SLX4: variants seen among roughly 807,000 people sequenced by gnomAD.
SLX4 encodes the protein SLX4 structure-specific endonuclease subunit.
Under a neutral mutation model 146.2 loss-of-function variants are expected in SLX4, and 112 were observed. That is an observed-to-expected ratio of 0.77 (90% confidence interval 0.66 to 0.90). The LOEUF is 0.90. Ranked by LOEUF, SLX4 falls within the 40% of genes least tolerant of loss-of-function variation. The pLI, the probability that SLX4 is intolerant of heterozygous loss-of-function variation, is 0.00. For synonymous variants in SLX4, 1,061 were observed against 997.7 expected (o/e 1.06, Z -1.20); for missense variants, 2,563 against 2,392.7 (o/e 1.07, Z -1.49).
intron 7 of SLX4, 139 bp from the exon 8 acceptor site, chr16:3,596,532 G>A (rs2040661711): frequency 2.6e-5 from 27 of 1,056,268 alleles, no homozygotes; most frequent in Admixed American, 8.4e-5. Context: ...GACTGTCCCC[G>A]GGGCTCCAGC....
intron 14 of SLX4, 33 bp from the exon 15 acceptor site, chr16:3,582,726 C>G: frequency 6.4e-7 from 1 of 1,570,148 alleles, no homozygotes; most frequent in Non-Finnish European, 8.7e-7. Flanking sequence ...GTTGTGCAAC[C>G]CCTTTCTCTC....
chr16:3,597,761 G>A lies in SLX4; in HGVS notation c.1366+36C>T. Reference sequence around the variant, plus strand: ...GTCCACTCACCCGGGACCTGCTGATGGCCTCTCCCAGGGTCACTCTTCTGA... The same window carrying A: ...GTCCACTCACCCGGGACCTGCTGATAGCCTCTCCCAGGGTCACTCTTCTGA... On this transcript the variant is annotated intron_variant, in intron 6 of 14. Coordinates refer to ENST00000294008, the MANE Select transcript of SLX4 (RefSeq NM_032444.4). The surrounding 1 kb of genome is among the most constrained non-coding windows in gnomAD (Gnocchi z 4.4). The A allele has an allele frequency of 6.2e-7, 1 of 1,613,936 alleles. No individual in the cohort carries two copies. Among genetic ancestry groups the A allele is most frequent in the South Asian group, 1.1e-5 (1 of 91,084 alleles).
At chr16:3,605,470 G>A (rs1397110045) in intron 3 of SLX4, among the ~76,000 whole-genome samples, 1 of 151,982 alleles carries the variant, frequency 6.6e-6, no homozygotes, top group Non-Finnish European at 1.5e-5. Context: ...TAGTCCTCCT[G>A]CCTTGGCCTC....
intron 1 of SLX4, among the ~76,000 whole-genome samples, chr16:3,611,303 C>T (rs1022195013): frequency 6.6e-6 from 1 of 152,228 alleles, no homozygotes; most frequent in South Asian, 2.1e-4. Flanking sequence ...CCCCGATCCC[C>T]GGACTGGCCC....
intron 7 of SLX4, among the ~76,000 whole-genome samples, chr16:3,596,722 T>C (rs1197472931): frequency 2.0e-5 from 3 of 152,268 alleles, no homozygotes; most frequent in East Asian, 3.9e-4. Flanking sequence ...AGCTGCGTAC[T>C]GACTGTAGGG....
chr16:3,602,367 C>T, intron 3 of SLX4, 60 bp from the exon 4 acceptor site: 2 of 1,591,834 alleles, frequency 1.3e-6, no homozygotes, highest in Non-Finnish European at 1.7e-6. Context: ...CACCCTCAGA[C>T]CTCTGCTCTG....
At chr16:3,584,095 A>C (rs1050098011) in intron 13 of SLX4, among the ~76,000 whole-genome samples, 1 of 152,044 alleles carries the variant, frequency 6.6e-6, no homozygotes, top group Non-Finnish European at 1.5e-5. Context: ...GAGCAGTGTC[A>C]TGTGGATGTG....
In SLX4 at chr16:3,601,146, C is replaced by A. The variant is rs377201471; in HGVS notation, c.996G>T (p.Gln332His). 1.4e-4 allele frequency: 224 copies of A among 1,614,106 alleles called. No homozygotes were observed. The highest frequency in any genetic ancestry group is 3.3e-4 in the Middle Eastern group (2 of 6,062). Residue 332 changes from glutamine (Q) to histidine (H), a missense_variant, in exon 5 of 15, where the codon CAG becomes CAT. Physicochemically the swap from Gln to His is conservative, Grantham distance 24 (BLOSUM62 0). Transcript: ENST00000294008. ...TCCCACAAATCGGGCACTCAGGGAT[C>A]TGAGGCACAGAAGGTCTTAGTGTCT... ...AEKTLRPSVP[Q>H]IPECPICGKP...
At chr16:3,594,303 G>A in intron 10 of SLX4, 150 bp downstream of exon 10, 1 of 1,124,532 alleles carries the variant, frequency 8.9e-7, no homozygotes, top group Non-Finnish European at 1.3e-6. Flanking sequence ...ATGGTTGGGA[G>A]GGAGAAGGTG....
rs2151139494 is a variant in SLX4, at chr16:3,608,668, C to G, written c.297G>C (p.Lys99Asn). The G allele has an allele frequency of 6.2e-7, 1 of 1,614,194 alleles. No homozygotes were observed. The highest frequency in any genetic ancestry group is 1.3e-5 in the African/African-American group (1 of 75,038). ...CTGCAGGGCCTTGAAGGGTTTTGGTCTTGGTAGCAGTTTGTTTGGTCCTTT... is the reference window on the plus strand; with the variant it reads ...CTGCAGGGCCTTGAAGGGTTTTGGTGTTGGTAGCAGTTTGTTTGGTCCTTT... ...KLKRTKQTAT[K>N]TKTLQGPAEK... is the part of the protein sequence containing the mutation. Residue 99 changes from lysine to asparagine, a missense_variant, in exon 2 of 15, where the codon AAG becomes AAC. Lys to Asn is a moderately conservative substitution (Grantham distance 94). Coordinates refer to ENST00000294008, the MANE Select transcript of SLX4 (RefSeq NM_032444.4).
Position 3,606,570 on chromosome 16 carries a change from C to A in SLX4, c.664G>T (p.Glu222Ter), listed in dbSNP as rs766080551. The change falls in exon 3 of 15, where the codon GAG becomes TAG. Residue 222 changes from glutamate (E) to a stop codon, truncating the protein, a stop_gained. Transcript: ENST00000294008. LOFTEE classifies it high-confidence loss of function. ...RMQQFKRADP[E>*]RLRHASEECS... ...TCTTCTGAAGCGTGTCTCAAACGCT[C>A]GGGGTCTGCTCTCTTGAACTGCTGC... 1 of 1,614,070 alleles carries A rather than the reference C, an allele frequency of 6.2e-7. No homozygotes were observed. Among genetic ancestry groups the A allele is most frequent in the Non-Finnish European group, 8.5e-7 (1 of 1,180,040 alleles).
chr16:3,583,078 A>G lies in SLX4; in HGVS notation c.5153+19T>C, dbSNP rs374696176. ...GAGGATACATGAGGCCACTGACCCC[A>G]TCGCATCCATCCGGTTACCTCTGTG... On this transcript the variant is annotated intron_variant, in intron 14 of 14. Coordinates refer to ENST00000294008, the MANE Select transcript of SLX4 (RefSeq NM_032444.4). 3.7e-5 allele frequency: 60 copies of G among 1,614,068 alleles called. No individual in the cohort carries two copies. Among genetic ancestry groups the G allele is most frequent in the Non-Finnish European group, 4.7e-5 (56 of 1,180,000 alleles).
rs1434830563 is a variant in SLX4 at position 3,597,676 on chromosome 16, C to A, written c.1386G>T (p.Lys462Asn). The change falls in exon 7 of 15, where the codon AAG becomes AAT. Residue 462 changes from lysine (K) to asparagine (N), a missense_variant. By Grantham distance (94) the Lys-to-Asn change is moderately conservative (BLOSUM62 0). Coordinates refer to ENST00000294008, the MANE Select transcript of SLX4 (RefSeq NM_032444.4). This position sits in a 1 kb window ranked among gnomAD's most constrained non-coding sequence, Gnocchi z 4.4. Reference sequence around the variant, plus strand: ...ACAATGGGGGGGATACCGGGGGTTTCTTCTTGCGACTTTTATTCTCTAGAG... The same window carrying A: ...ACAATGGGGGGGATACCGGGGGTTTATTCTTGCGACTTTTATTCTCTAGAG... ...RPEAENKSRKKKPPVSPPLLL... is the reference protein window; with the variant it reads ...RPEAENKSRKNKPPVSPPLLL... The A allele has an allele frequency of 6.2e-7, 1 of 1,613,808 alleles. No homozygotes were observed. The highest frequency in any genetic ancestry group is 1.7e-4 in the Middle Eastern group (1 of 6,060).
intron 9 of SLX4, 61 bp downstream of exon 9, chr16:3,595,544 C>T (rs991707573): frequency 1.9e-6 from 3 of 1,593,736 alleles, no homozygotes; most frequent in African/African-American, 2.7e-5. Context: ...GCCAACCCCA[C>T]CACACACATG....
chr16:3,583,036 C>T, intron 14 of SLX4, 61 bp downstream of exon 14: 1 of 1,601,476 alleles, frequency 6.2e-7, no homozygotes, highest in Non-Finnish European at 8.6e-7. Flanking sequence ...CGTGCCAACC[C>T]TCACGCCCAC....
At chr16:3,583,054 A>G in intron 14 of SLX4, 43 bp downstream of exon 14, 3 of 1,611,544 alleles carry the variant, frequency 1.9e-6, no homozygotes, top group Non-Finnish European at 2.5e-6. Context: ...CACGGGCCAG[A>G]GGATACATGA....
rs1362147194 is a variant in SLX4 at position 3,597,334 on chromosome 16, A to G, written c.1683+45T>C. ...CAGTGTTGCAGTTCTGGGATTGCCA[A>G]CCTCCCCCAAAAGCCTATCCATGTG... is the stretch of plus-strand genomic sequence containing the variant. On this transcript the variant is annotated intron_variant, in intron 7 of 14. Transcript: ENST00000294008. This position sits in a 1 kb window ranked among gnomAD's most constrained non-coding sequence, Gnocchi z 4.4. The G allele has an allele frequency of 3.4e-6, 5 of 1,473,692 alleles. No homozygotes were observed. The highest frequency in any genetic ancestry group is 4.5e-6 in the Non-Finnish European group (5 of 1,108,392). The allele number at this position is 1,473,692 out of a possible 1,614,324, so 91.3% of individuals were successfully genotyped here. A position where few individuals can be genotyped will look rare whatever the true frequency, so the allele number is the denominator to read the frequency against.
chr16:3,589,477 G>C lies in SLX4; in HGVS notation c.4161C>G (p.Thr1387=), dbSNP rs1326169521. Residue 1387 remains threonine, a synonymous_variant, in exon 12 of 15, where the codon ACC becomes ACG. Transcript: ENST00000294008. This position sits in a 1 kb window ranked among gnomAD's most constrained non-coding sequence, Gnocchi z 6.2. ...SPPGPSFLNQ[T]PAGEVVEVGD... is the part of the protein sequence containing the mutation. ...CGACTTCCACCACTTCACCCGCTGG[G>C]GTCTGGTTCAGGAAGCTTGGCCCAG... is the stretch of plus-strand genomic sequence containing the variant. The C allele has an allele frequency of 1.2e-6, 2 of 1,609,438 alleles. No individual in the cohort carries two copies. The highest frequency in any genetic ancestry group is 1.1e-5 in the South Asian group (1 of 91,048).
rs1357653145 is a variant in SLX4 at position 3,583,517 on chromosome 16, G to T, written c.4740-7C>A. ...CAGAGGGCGGACTCCAAACCTGACG[G>T]AGGAACAGGTGGATCTCAGGACCCA... On this transcript the variant is annotated splice_polypyrimidine_tract_variant and splice_region_variant and intron_variant, in intron 13 of 14. Transcript: ENST00000294008. 6 of 1,613,794 alleles carry T rather than the reference G, an allele frequency of 3.7e-6. No homozygotes were observed. Among genetic ancestry groups the T allele is most frequent in the Non-Finnish European group, 5.1e-6 (6 of 1,180,054 alleles).
Sources: allele counts gnomAD v4.1 joint callset (sites outside exome capture counted in the v4.1 genomes callset), GRCh38; gene constraint gnomAD v4.1.1; non-coding constraint Gnocchi (gnomAD v3.1); transcripts MANE v1.5; gene names NCBI Gene and HGNC (gene_info 2026-07-23, HGNC 2026-07-21).